The following FAM178B variants were observed in gnomAD, a reference collection of about 807,000 sequenced individuals.
FAM178B encodes the protein protein FAM178B.
In FAM178B, 82 loss-of-function variants were observed where a neutral mutation model predicts 91.7. The ratio of observed to expected loss-of-function variants is 0.89; its 90% confidence interval spans 0.75 to 1.07. The LOEUF (loss-of-function observed/expected upper bound fraction) is 1.07. Among genes scored for constraint, FAM178B ranks in the 50% least tolerant of loss-of-function variants. The probability of loss-of-function intolerance (pLI) is 0.00; values close to 1 mark genes in which losing one functional copy is unlikely to be tolerated. For missense variants in FAM178B, 769 were observed against 846.7 expected (o/e 0.91, Z 1.14); for synonymous variants, 368 against 359.4 (o/e 1.02, Z -0.27).
At chr2:96,876,416 T>TG (rs1231505010) in intron 16 of FAM178B, 108 bp from the exon 17 acceptor site, 3 of 1,392,644 alleles carry the variant, frequency 2.2e-6, no homozygotes, top group Non-Finnish European at 2.9e-6. Flanking sequence ...CGCAGGCTCA[T>TG]GCCAGGGGCC....
At position 96,875,940 on chromosome 2, in the gene FAM178B, CAG is replaced by C; in HGVS notation, c.*334_*335del. 1 of 370,108 alleles carries C rather than the reference CAG, an allele frequency of 2.7e-6. No homozygotes were observed. The highest frequency in any genetic ancestry group is 4.3e-5 in the Admixed American group (1 of 23,206). The allele number at this position is 370,108 out of a possible 1,614,324, so 22.9% of individuals were successfully genotyped here. On this transcript the variant is annotated 3_prime_UTR_variant, in exon 17 of 17. Coordinates refer to ENST00000490605, the MANE Select transcript of FAM178B (RefSeq NM_001122646.3). The stretch of plus-strand genomic sequence containing the variant: ...AAACCTCACATTAGTGACAGGGAGA[CAG>C]AGGAAGGAGGGTGGGGAGGACTGAG...
intron 13 of FAM178B, chr2:96,895,123 C>T: frequency 7.8e-7 from 1 of 1,289,332 alleles, no homozygotes; most frequent in Non-Finnish European, 1.0e-6. Flanking sequence ...CTGCCTTCCA[C>T]TCCCCTTCCC....
rs990668059 is a variant in FAM178B at position 96,983,551 on chromosome 2, G to C, written c.73+2690C>G. 5.9e-5 allele frequency among the ~76,000 whole-genome samples: 9 copies of C among 152,272 alleles called. No individual in the cohort carries two copies. In the East Asian group the frequency reaches 1.7e-3, roughly 29 times the overall value. On this transcript the variant is annotated intron_variant, in intron 1 of 16. Coordinates refer to ENST00000490605, the MANE Select transcript of FAM178B (RefSeq NM_001122646.3). ...AACAATCCTCCTGCTTCAGCCTTCT[G>C]AGTAGCTAGGACTACAGGTATGTGC...
At chr2:96,890,751 A>G (rs889724136) in intron 14 of FAM178B, among the ~76,000 whole-genome samples, 1 of 152,158 alleles carries the variant, frequency 6.6e-6, no homozygotes. Flanking sequence ...CCATGGGCCA[A>G]AGGGAGTACT....
intron 13 of FAM178B, chr2:96,895,134 G>T (rs1357224303): frequency 7.8e-7 from 1 of 1,286,980 alleles, no homozygotes; most frequent in Middle Eastern, 2.1e-4. Flanking sequence ...TCCCCTTCCC[G>T]CTCTTTTCCT....
intron 5 of FAM178B, among the ~76,000 whole-genome samples, chr2:96,966,149 C>T (rs564151978): frequency 7.2e-5 from 11 of 152,076 alleles, no homozygotes; most frequent in Non-Finnish European, 1.3e-4. Flanking sequence ...TATCCCCCAC[C>T]AGCCCCCTCC....
At chr2:96,909,033 CT>C (rs2153369882) in intron 12 of FAM178B, among the ~76,000 whole-genome samples, 1 of 151,070 alleles carries the variant, frequency 6.6e-6, no homozygotes, top group Non-Finnish European at 1.5e-5. Context: ...ATGCCTGCTA[CT>C]TGGGAGGCTG....
At chr2:96,961,842 G>A (rs929570492) in intron 5 of FAM178B, among the ~76,000 whole-genome samples, 1 of 152,298 alleles carries the variant, frequency 6.6e-6, no homozygotes, top group Admixed American at 6.5e-5. Flanking sequence ...GAATGAAATG[G>A]CACAACAAAT....
chr2:96,962,244 G>A (rs1328070103), intron 5 of FAM178B, among the ~76,000 whole-genome samples: 1 of 152,122 alleles, frequency 6.6e-6, no homozygotes. Flanking sequence ...GGATGTTGCG[G>A]TAAGCCGAGA....
At chr2:96,883,304 C>T (rs1317811517) in intron 14 of FAM178B, among the ~76,000 whole-genome samples, 1 of 152,250 alleles carries the variant, frequency 6.6e-6, no homozygotes, top group Non-Finnish European at 1.5e-5. Flanking sequence ...TTCCCAGGAA[C>T]TTCATCCTTT....
rs367949964 is a variant in FAM178B at position 96,967,586 on chromosome 2, T to C, written c.668A>G (p.Gln223Arg). 461 of 1,550,524 alleles carry C rather than the reference T, an allele frequency of 3.0e-4. No homozygotes were observed. Among genetic ancestry groups the C allele is most frequent in the Non-Finnish European group, 3.8e-4 (439 of 1,146,934 alleles). Residue 223 changes from glutamine (Q) to arginine (R), a missense_variant, in exon 5 of 17, where the codon CAG (glutamine) becomes CGG (arginine). Coordinates refer to ENST00000490605, the MANE Select transcript of FAM178B (RefSeq NM_001122646.3). Reference sequence around the variant, plus strand: ...CAAGGAGTTGAGATTGAGACACTCCTGCAGAAGCAGCCTCTCTCGCTCCTG... The same window carrying C: ...CAAGGAGTTGAGATTGAGACACTCCCGCAGAAGCAGCCTCTCTCGCTCCTG... The part of the protein sequence containing the change: ...LEQERERLLL[Q>R]ECLNLNSLDL...
At chr2:96,921,112 A>AC in intron 12 of FAM178B, 53 bp downstream of exon 12, 2 of 1,450,286 alleles carry the variant, frequency 1.4e-6, no homozygotes, top group Admixed American at 2.0e-5. Context: ...TCCCTACAAG[A>AC]CCCCGAAGAG....
rs1200217821 is a variant in FAM178B at position 96,972,095 on chromosome 2, G to A, written c.370C>T (p.Gln124Ter). ...TGGGCCGGGGCCTCCCGACTGGCCTGCAGCACCCTCGGGTTGAGGAATTCC... is the reference window on the plus strand; with the variant it reads ...TGGGCCGGGGCCTCCCGACTGGCCTACAGCACCCTCGGGTTGAGGAATTCC... ...PVEFLNPRVL[Q>*]ASREAPAQRW... Residue 124 changes from glutamine (Q) to a stop codon, truncating the protein, a stop_gained, in exon 3 of 17, where the codon CAG (glutamine) becomes TAG (stop). Transcript: ENST00000490605. LOFTEE classifies it high-confidence loss of function. 11 of 1,528,054 alleles carry A rather than the reference G, an allele frequency of 7.2e-6. No homozygotes were observed. The highest frequency in any genetic ancestry group is 2.1e-5 in the Admixed American group (1 of 48,294). 94.7% of individuals were successfully genotyped at this position (1,528,054 alleles called of 1,614,324 possible). A position where few individuals can be genotyped will look rare whatever the true frequency, so the allele number is the denominator to read the frequency against.
At chr2:96,974,553 A>T (rs2082265175) in intron 1 of FAM178B, among the ~76,000 whole-genome samples, 1 of 152,184 alleles carries the variant, frequency 6.6e-6, no homozygotes, top group South Asian at 2.1e-4. Flanking sequence ...TAAACGGATT[A>T]AATTCTCCAA....
intron 12 of FAM178B, among the ~76,000 whole-genome samples, chr2:96,903,048 TA>T (rs1446289298): frequency 6.6e-6 from 1 of 152,212 alleles, no homozygotes; most frequent in African/African-American, 2.4e-5. Context: ...TATTTTATTT[TA>T]TTTTTTTTGA....
At chr2:96,954,965 C>T (rs962281878) in intron 6 of FAM178B, among the ~76,000 whole-genome samples, 6 of 152,162 alleles carry the variant, frequency 3.9e-5, no homozygotes, top group African/African-American at 1.4e-4. Context: ...GCAAGAGGAC[C>T]TCTTGAGCCG....
At chr2:96,899,826 G>C (rs2080891441) in intron 13 of FAM178B, among the ~76,000 whole-genome samples, 1 of 147,116 alleles carries the variant, frequency 6.8e-6, no homozygotes. Flanking sequence ...CAGAGACACT[G>C]CCTCCCGCGC....
At chr2:96,978,091 C>A (rs2082315755) in intron 1 of FAM178B, among the ~76,000 whole-genome samples, 1 of 152,200 alleles carries the variant, frequency 6.6e-6, no homozygotes, top group Non-Finnish European at 1.5e-5. Context: ...ACTGATGACT[C>A]AGTTCTCTTC....
intron 8 of FAM178B, among the ~76,000 whole-genome samples, chr2:96,934,480 G>A (rs979852518): frequency 6.6e-6 from 1 of 152,180 alleles, no homozygotes; most frequent in Non-Finnish European, 1.5e-5. Flanking sequence ...TGTAAACAGG[G>A]AGTGTCATTA....
Sources: allele counts gnomAD v4.1 joint callset (sites outside exome capture counted in the v4.1 genomes callset), GRCh38; gene constraint gnomAD v4.1.1; transcripts MANE v1.5; gene names NCBI Gene and HGNC (gene_info 2026-07-23, HGNC 2026-07-21).